The following LRIT2 variants were observed in gnomAD, a reference collection of about 807,000 sequenced individuals.
The protein encoded by LRIT2 is leucine-rich repeat, immunoglobulin-like domain and transmembrane domain-containing protein 2.
A neutral mutation model predicts 22.4 loss-of-function variants in LRIT2; 23 were observed. The ratio of observed to expected loss-of-function variants is 1.03; its 90% confidence interval spans 0.74 to 1.45. The LOEUF (loss-of-function observed/expected upper bound fraction) is 1.45, where lower values mean the gene tolerates loss of function less well. Ranked by LOEUF, LRIT2 falls within the 40% of genes most tolerant of loss-of-function variation. The probability of loss-of-function intolerance (pLI) is 0.00; values close to 1 mark genes in which losing one functional copy is unlikely to be tolerated. For missense variants in LRIT2, 784 were observed against 665.6 expected (o/e 1.18, Z -1.96); for synonymous variants, 291 against 267.1 (o/e 1.09, Z -0.87).
chr10:84,224,896 A>G lies in LRIT2; in HGVS notation c.329T>C (p.Leu110Pro). The G allele has an allele frequency of 6.2e-7, 1 of 1,614,198 alleles. No individual in the cohort carries two copies. The highest frequency in any genetic ancestry group is 8.5e-7 in the Non-Finnish European group (1 of 1,180,032). Reference protein sequence around the residue: ...EHLPELRELRLEGNKLCSVPW... With the variant: ...EHLPELRELRPEGNKLCSVPW... ...TACTGAGCAGAGCTTGTTCCCCTCC[A>G]GTCTCAGCTCCCTCAGTTCTGGCAG... The change falls in exon 2 of 3, where the codon CTG (leucine) becomes CCG (proline). Residue 110 changes from leucine to proline, a missense_variant. By Grantham distance (98) the Leu-to-Pro change is moderately conservative. Coordinates refer to ENST00000372113, the MANE Select transcript of LRIT2 (RefSeq NM_001017924.5).
At position 84,222,580 on chromosome 10, in the gene LRIT2, G is replaced by A. The variant is rs371064405; in HGVS notation, c.993C>T (p.Asn331=). 45 of 1,613,992 alleles carry A rather than the reference G, an allele frequency of 2.8e-5. No homozygotes were observed. Among genetic ancestry groups the A allele is most frequent in the Non-Finnish European group, 3.8e-5 (45 of 1,180,028 alleles). The change falls in exon 3 of 3, where the codon AAC becomes AAT. Residue 331 remains asparagine (N), a synonymous_variant. Coordinates refer to ENST00000372113, the MANE Select transcript of LRIT2 (RefSeq NM_001017924.5). ...DSGNYTCMAS[N]SIGKSNLVIS... ...TTACAAGGTTGCTCTTGCCAATGGA[G>A]TTGGAGGCCATGCAGGTGTAATTAC...
At position 84,220,847 on chromosome 10, in the gene LRIT2, G is replaced by A. The variant is rs1842495891; in HGVS notation, c.*1073C>T. 6.6e-6 allele frequency: 1 copy of A among 152,280 alleles called. No homozygotes were observed. The highest frequency in any genetic ancestry group is 2.4e-5 in the African/African-American group (1 of 41,462). The allele number at this position is 152,280 out of a possible 1,614,324, so 9.4% of individuals were successfully genotyped here. A position where few individuals can be genotyped will look rare whatever the true frequency, so the allele number is the denominator to read the frequency against. ...AAAAAAGGTGGGAAGGAGGAAACGTGTGGAGATGTCACAATGAGTCTAGTT... is the reference window on the plus strand; with the variant it reads ...AAAAAAGGTGGGAAGGAGGAAACGTATGGAGATGTCACAATGAGTCTAGTT... On this transcript the variant is annotated 3_prime_UTR_variant, in exon 3 of 3. Transcript: ENST00000372113.
chr10:84,224,411 G>T lies in LRIT2; in HGVS notation c.814C>A (p.Leu272Met), dbSNP rs1842540623. The change falls in exon 2 of 3, where the codon CTG (leucine) becomes ATG (methionine). Residue 272 changes from leucine (L) to methionine (M), a missense_variant. By Grantham distance (15) the Leu-to-Met change is conservative. Transcript: ENST00000372113. ...ITIRAGQNVT[L>M]RCLAQASPSP... is the part of the protein sequence containing the mutation. The stretch of plus-strand genomic sequence containing the variant: ...GGGCTGGCCTGTGCCAAGCATCGCA[G>T]GGTCACATTCTGTCCTGCCCGGATG... 1.9e-6 allele frequency: 3 copies of T among 1,614,136 alleles called. No individual in the cohort carries two copies. Among genetic ancestry groups the T allele is most frequent in the Non-Finnish European group, 2.5e-6 (3 of 1,180,062 alleles).
In LRIT2 at chr10:84,221,918, G is replaced by T. The variant is rs1842509257; in HGVS notation, c.*2C>A. ...CCGTTTCCACCCCATGGCCTGGGTT[G>T]TTCAGCTGTTGTCTTCCGTTCCTCC... On this transcript the variant is annotated 3_prime_UTR_variant, in exon 3 of 3. Coordinates refer to ENST00000372113, the MANE Select transcript of LRIT2 (RefSeq NM_001017924.5). 6.6e-7 allele frequency: 1 copy of T among 1,521,178 alleles called. No homozygotes were observed. Among genetic ancestry groups the T allele is most frequent in the South Asian group, 1.3e-5 (1 of 76,464 alleles). The allele number at this position is 1,521,178 out of a possible 1,614,324, so 94.2% of individuals were successfully genotyped here. A position where few individuals can be genotyped will look rare whatever the true frequency, so the allele number is the denominator to read the frequency against.
chr10:84,220,557 GCGGA>G (rs997932547), downstream of LRIT2: 2 of 151,918 alleles, frequency 1.3e-5, no homozygotes, highest in Non-Finnish European at 2.9e-5. Context: ...GAAGAAATGA[GCGGA>G]CAATTAGTCT....
chr10:84,224,663 C>T lies in LRIT2; in HGVS notation c.562G>A (p.Glu188Lys). 2 of 1,614,186 alleles carry T rather than the reference C, an allele frequency of 1.2e-6. No individual in the cohort carries two copies. Among genetic ancestry groups the T allele is most frequent in the Non-Finnish European group, 1.7e-6 (2 of 1,180,032 alleles). The change falls in exon 2 of 3, where the codon GAG (glutamate) becomes AAG (lysine). Residue 188 changes from glutamate (E) to lysine (K), a missense_variant. By Grantham distance (56) the Glu-to-Lys change is moderately conservative. Transcript: ENST00000372113. ...QKCRQPDCGA[E>K]ILSSLVVALH... Reference sequence around the variant, plus strand: ...GCCACCACCAGGCTGGAGAGAATCTCAGCCCCACAGTCAGGCTGCCGGCAT... The same window carrying T: ...GCCACCACCAGGCTGGAGAGAATCTTAGCCCCACAGTCAGGCTGCCGGCAT...
chr10:84,222,466 C>A lies in LRIT2; in HGVS notation c.1107G>T (p.Arg369=). 1 of 1,614,038 alleles carries A rather than the reference C, an allele frequency of 6.2e-7. No individual in the cohort carries two copies. Among genetic ancestry groups the A allele is most frequent in the Non-Finnish European group, 8.5e-7 (1 of 1,180,020 alleles). ...TCCCATGCACTGTCTGCTTGACAAC[C>A]CGCAGGTCAATGTAGGCATTGCCCT... ...PSEGNAYIDL[R]VVKQTVHGIL... The change falls in exon 3 of 3, where the codon CGG becomes CGT. Residue 369 remains arginine, a synonymous_variant. Transcript: ENST00000372113.
At position 84,225,444 on chromosome 10, in the gene LRIT2, G is replaced by A. The variant is rs755236980; in HGVS notation, c.77C>T (p.Pro26Leu). 5.0e-6 allele frequency: 8 copies of A among 1,614,040 alleles called. No individual in the cohort carries two copies. Among genetic ancestry groups the A allele is most frequent in the East Asian group, 4.5e-5 (2 of 44,894 alleles). Reference protein sequence around the residue: ...DTHAAQPFCLPGCTCSEESFG... With the variant: ...DTHAAQPFCLLGCTCSEESFG... ...ACTCTCCTCTGAGCAAGTGCATCCTGGCAGACAGAAAGGCTGAGCTGCGTG... is the reference window on the plus strand; with the variant it reads ...ACTCTCCTCTGAGCAAGTGCATCCTAGCAGACAGAAAGGCTGAGCTGCGTG... The change falls in exon 1 of 3, where the codon CCA (proline) becomes CTA (leucine). Residue 26 changes from proline to leucine, a missense_variant. Pro to Leu is a moderately conservative substitution (Grantham distance 98). Transcript: ENST00000372113.
chr10:84,224,482 C>T lies in LRIT2; in HGVS notation c.743G>A (p.Ser248Asn), dbSNP rs1842541891. 3 of 1,614,214 alleles carry T rather than the reference C, an allele frequency of 1.9e-6. No homozygotes were observed. The East Asian group carries it at 6.7e-5, about 36-fold the overall frequency. ...AGQLFHETEL[S>N]ACMKPQISTP... is the part of the protein sequence containing the mutation. Reference sequence around the variant, plus strand: ...TGAGATCTGTGGCTTCATGCAAGCACTAAGCTCAGTTTCATGAAAAAGCTG... The same window carrying T: ...TGAGATCTGTGGCTTCATGCAAGCATTAAGCTCAGTTTCATGAAAAAGCTG... Residue 248 changes from serine (S) to asparagine (N), a missense_variant, in exon 2 of 3, where the codon AGT (serine) becomes AAT (asparagine). Coordinates refer to ENST00000372113, the MANE Select transcript of LRIT2 (RefSeq NM_001017924.5).
In LRIT2 at chr10:84,222,680, A is replaced by G. The variant is rs751869600; in HGVS notation, c.893T>C (p.Val298Ala). 8 of 1,612,736 alleles carry G rather than the reference A, an allele frequency of 5.0e-6. No individual in the cohort carries two copies. The South Asian group carries it at 8.8e-5, about 18-fold the overall frequency. Reference protein sequence around the residue: ...YPLSMWREFDVLTSSTGEDTA... With the variant: ...YPLSMWREFDALTSSTGEDTA... Reference sequence around the variant, plus strand: ...GTCTTCTCCAGTAGAAGATGTCAACACTGGGTGGAAAGAAAAACAAAACAG... The same window carrying G: ...GTCTTCTCCAGTAGAAGATGTCAACGCTGGGTGGAAAGAAAAACAAAACAG... The change falls in exon 3 of 3, where the codon GTG becomes GCG. Residue 298 changes from valine (V) to alanine (A), a missense_variant and splice_region_variant. By Grantham distance (64) the Val-to-Ala change is moderately conservative. Coordinates refer to ENST00000372113, the MANE Select transcript of LRIT2 (RefSeq NM_001017924.5).
chr10:84,225,043 C>G lies in LRIT2; in HGVS notation c.182G>C (p.Arg61Thr). Residue 61 changes from arginine to threonine, a missense_variant, in exon 2 of 3, where the codon AGA (arginine) becomes ACA (threonine). By Grantham distance (71) the Arg-to-Thr change is moderately conservative. Coordinates refer to ENST00000372113, the MANE Select transcript of LRIT2 (RefSeq NM_001017924.5). Reference sequence around the variant, plus strand: ...CTCAAATAAGGGTGAATTTTCAATTCTCACTTGCTTGAACTCTTCAGAAAG... The same window carrying G: ...CTCAAATAAGGGTGAATTTTCAATTGTCACTTGCTTGAACTCTTCAGAAAG... Reference protein sequence around the residue: ...GNLSEEFKQVRIENSPLFEMP... With the variant: ...GNLSEEFKQVTIENSPLFEMP... 2 of 1,614,112 alleles carry G rather than the reference C, an allele frequency of 1.2e-6. No homozygotes were observed. The highest frequency in any genetic ancestry group is 1.6e-4 in the Middle Eastern group (1 of 6,062).
chr10:84,222,957 A>G (rs1465556179), intron 2 of LRIT2: 1 of 680,528 alleles, frequency 1.5e-6, no homozygotes, highest in Non-Finnish European at 2.7e-6. Flanking sequence ...AACAATTGAT[A>G]TGGGACCTGG....
chr10:84,222,903 G>A (rs1456197053), intron 2 of LRIT2: 1 of 705,846 alleles, frequency 1.4e-6, no homozygotes, highest in Admixed American at 2.0e-5. Context: ...ATTGAGGATT[G>A]GAGCAATCCA....
rs372914477 is a variant in LRIT2 at position 84,222,430 on chromosome 10, C to T, written c.1143G>A (p.Glu381=). ...VKQTVHGILL[E]WLAVADTSKE... ...TAGAGGTGTCAGCCACTGCAAGCCACTCCAGCAAAATCCCATGCACTGTCT... is the reference window on the plus strand; with the variant it reads ...TAGAGGTGTCAGCCACTGCAAGCCATTCCAGCAAAATCCCATGCACTGTCT... Residue 381 remains glutamate, a synonymous_variant, in exon 3 of 3, where the codon GAG becomes GAA. Transcript: ENST00000372113. 1.8e-5 allele frequency: 29 copies of T among 1,614,022 alleles called. No homozygotes were observed. Among genetic ancestry groups the T allele is most frequent in the Non-Finnish European group, 8.5e-7 (1 of 1,180,048 alleles).
rs1465469933 is a variant in LRIT2, at chr10:84,221,666, A to G, written c.*254T>C. 5.5e-6 allele frequency: 2 copies of G among 363,816 alleles called. No homozygotes were observed. The highest frequency in any genetic ancestry group is 4.1e-5 in the African/African-American group (2 of 48,304). The allele number at this position is 363,816 out of a possible 1,614,324, so 22.5% of individuals were successfully genotyped here. A position where few individuals can be genotyped will look rare whatever the true frequency, so the allele number is the denominator to read the frequency against. ...ATTTAGTGATTTCTAATCACCATGT[A>G]TAATAAAATGATTAATTTGATGGAC... On this transcript the variant is annotated 3_prime_UTR_variant, in exon 3 of 3. Transcript: ENST00000372113.
Position 84,222,418 on chromosome 10 carries a change from C to T in LRIT2, c.1155G>A (p.Val385=), listed in dbSNP as rs1222042018. ...VHGILLEWLA[V]ADTSKEEWFT... is the part of the protein sequence containing the mutation. ...ACCACTCCTCCTTAGAGGTGTCAGC[C>T]ACTGCAAGCCACTCCAGCAAAATCC... Residue 385 remains valine, a synonymous_variant, in exon 3 of 3, where the codon GTG becomes GTA. Transcript: ENST00000372113. 2 of 1,613,946 alleles carry T rather than the reference C, an allele frequency of 1.2e-6. No individual in the cohort carries two copies. Among genetic ancestry groups the T allele is most frequent in the South Asian group, 1.1e-5 (1 of 91,086 alleles).
rs1445101374 is a variant in LRIT2, at chr10:84,224,855, G to A, written c.370C>T (p.Arg124Cys). The change falls in exon 2 of 3, where the codon CGT (arginine) becomes TGT (cysteine). Residue 124 changes from arginine to cysteine, a missense_variant. Physicochemically the swap from Arg to Cys is radical, Grantham distance 180. Coordinates refer to ENST00000372113, the MANE Select transcript of LRIT2 (RefSeq NM_001017924.5). Reference sequence around the variant, plus strand: ...AAGACCCTCAGGAGAGGGGTGGCACGGAACGCTGTCCATGGTACTGAGCAG... The same window carrying A: ...AAGACCCTCAGGAGAGGGGTGGCACAGAACGCTGTCCATGGTACTGAGCAG... ...KLCSVPWTAFRATPLLRVLDL... is the reference protein window; with the variant it reads ...KLCSVPWTAFCATPLLRVLDL... 1.9e-6 allele frequency: 3 copies of A among 1,614,122 alleles called. No homozygotes were observed. The East Asian group carries it at 6.7e-5, about 36-fold the overall frequency.
At position 84,222,408 on chromosome 10, in the gene LRIT2, A is replaced by T. The variant is rs780070750; in HGVS notation, c.1165T>A (p.Ser389Thr). Reference protein sequence around the residue: ...LLEWLAVADTSKEEWFTLYIA... With the variant: ...LLEWLAVADTTKEEWFTLYIA... ...TAGAGGGTGAACCACTCCTCCTTAGAGGTGTCAGCCACTGCAAGCCACTCC... is the reference window on the plus strand; with the variant it reads ...TAGAGGGTGAACCACTCCTCCTTAGTGGTGTCAGCCACTGCAAGCCACTCC... Residue 389 changes from serine to threonine, a missense_variant, in exon 3 of 3, where the codon TCT becomes ACT. Transcript: ENST00000372113. The T allele has an allele frequency of 6.2e-7, 1 of 1,614,034 alleles. No homozygotes were observed. The highest frequency in any genetic ancestry group is 8.5e-7 in the Non-Finnish European group (1 of 1,180,020).
intron 1 of LRIT2, 23 bp downstream of exon 1, chr10:84,225,388 A>G: frequency 6.2e-7 from 1 of 1,610,596 alleles, no homozygotes; most frequent in Non-Finnish European, 8.5e-7. Flanking sequence ...ATAACCCTCT[A>G]ACATCTGGCC....
Sources: gnomAD v4.1 joint callset for allele counts on GRCh38, gnomAD v4.1.1 for gene constraint, MANE v1.5 for transcripts, NCBI Gene and HGNC (gene_info 2026-07-23, HGNC 2026-07-21) for gene names.